TTL: variants seen among roughly 807,000 people sequenced by gnomAD.
TTL encodes the protein tubulin--tyrosine ligase.
A neutral mutation model predicts 41.1 loss-of-function variants in TTL; 10 were observed. That is an observed-to-expected ratio of 0.24 (90% CI 0.15 to 0.41). The LOEUF is 0.41. Ranked by LOEUF, TTL falls within the 10% of genes least tolerant of loss-of-function variation. The probability of loss-of-function intolerance (pLI) is 1.00; values close to 1 mark genes in which losing one functional copy is unlikely to be tolerated. For missense variants in TTL, 367 were observed against 460.4 expected (o/e 0.80, Z 1.86); for synonymous variants, 175 against 175.5 (o/e 1.00, Z 0.02).
In TTL at chr2:112,535,675, C is replaced by T. The variant is rs1339795652; in HGVS notation, c.*6880C>T. 3 of 151,986 alleles carry T rather than the reference C, an allele frequency of 2.0e-5. No individual in the cohort carries two copies. Among genetic ancestry groups the T allele is most frequent in the East Asian group, 1.9e-4 (1 of 5,194 alleles). 9.4% of individuals were successfully genotyped at this position (151,986 alleles called of 1,614,324 possible). On this transcript the variant is annotated 3_prime_UTR_variant, in exon 7 of 7. Transcript: ENST00000233336. ...CAGTAAAATGGTAGATAAATCCTGC[C>T]TTATCAGTAATTTCATTAAATGCAA...
At chr2:112,499,928 A>G (rs1219240596) in intron 3 of TTL, among the ~76,000 whole-genome samples, 1 of 152,238 alleles carries the variant, frequency 6.6e-6, no homozygotes. Context: ...ACTTGTATGC[A>G]AATCTTATAG....
chr2:112,486,014 G>T lies in TTL; in HGVS notation c.236+19G>T. ...TAGTGAAGTAAGTGTTAAGACCGCT[G>T]TTTTCCATTTTTTACCTAAATGAAG... On this transcript the variant is annotated intron_variant, in intron 2 of 6. Transcript: ENST00000233336. 1 of 1,612,270 alleles carries T rather than the reference G, an allele frequency of 6.2e-7. No homozygotes were observed. Among genetic ancestry groups the T allele is most frequent in the Non-Finnish European group, 8.5e-7 (1 of 1,179,220 alleles).
chr2:112,510,926 C>G (rs976624866), intron 5 of TTL, among the ~76,000 whole-genome samples: 4 of 152,114 alleles, frequency 2.6e-5, no homozygotes, highest in African/African-American at 9.7e-5. Flanking sequence ...TTAAAAGTTG[C>G]TAAGGTTTGT....
At chr2:112,526,323 C>T (rs1056773102) in intron 6 of TTL, among the ~76,000 whole-genome samples, 3 of 152,044 alleles carry the variant, frequency 2.0e-5, no homozygotes, top group African/African-American at 7.2e-5. Flanking sequence ...GGGAGGAGTC[C>T]CTCTTTTTCT....
intron 2 of TTL, among the ~76,000 whole-genome samples, chr2:112,489,668 G>A (rs900251137): frequency 6.6e-6 from 1 of 152,020 alleles, no homozygotes; most frequent in African/African-American, 2.4e-5. Context: ...AACATTTTTT[G>A]CATACTGAAT....
At position 112,533,758 on chromosome 2, in the gene TTL, A is replaced by G. The variant is rs1682551343; in HGVS notation, c.*4963A>G. 1 of 152,168 alleles carries G rather than the reference A, an allele frequency of 6.6e-6. No individual in the cohort carries two copies. The highest frequency in any genetic ancestry group is 2.4e-5 in the African/African-American group (1 of 41,440). 9.4% of individuals were successfully genotyped at this position (152,168 alleles called of 1,614,324 possible). A position where few individuals can be genotyped will look rare whatever the true frequency, so the allele number is the denominator to read the frequency against. On this transcript the variant is annotated 3_prime_UTR_variant, in exon 7 of 7. Coordinates refer to ENST00000233336, the MANE Select transcript of TTL (RefSeq NM_153712.5). ...CGTGACCTAACCTCTTACAGGTCCC[A>G]CCTCTCAACACTATTGCAGTAGAGA...
rs1681979069 is a variant in TTL at position 112,513,412 on chromosome 2, A to G, written c.876-6870A>G. 3.3e-5 allele frequency among the ~76,000 whole-genome samples: 5 copies of G among 151,926 alleles called. No individual in the cohort carries two copies. The South Asian group carries it at 6.2e-4, about 19-fold the overall frequency. On this transcript the variant is annotated intron_variant, in intron 5 of 6. Transcript: ENST00000233336. ...TCTTTTAGAGTTTTTATATTTACCCATATACTTCCTTAAGTTTTAAAGTTC... is the reference window on the plus strand; with the variant it reads ...TCTTTTAGAGTTTTTATATTTACCCGTATACTTCCTTAAGTTTTAAAGTTC...
At chr2:112,511,179 G>T (rs1681911268) in intron 5 of TTL, among the ~76,000 whole-genome samples, 1 of 151,812 alleles carries the variant, frequency 6.6e-6, no homozygotes, top group Non-Finnish European at 1.5e-5. Flanking sequence ...CCTGATTTTT[G>T]TATTTTTTTT....
intron 6 of TTL, among the ~76,000 whole-genome samples, chr2:112,525,684 G>A (rs1682353490): frequency 1.3e-5 from 2 of 152,166 alleles, no homozygotes; most frequent in Admixed American, 6.6e-5. Context: ...AGGAGATTTT[G>A]GGCTGAGATG....
In TTL at chr2:112,540,000, GAAATT is replaced by G. The variant is rs1682681109; in HGVS notation, c.*11209_*11213del. 6.6e-6 allele frequency: 1 copy of G among 152,178 alleles called. No individual in the cohort carries two copies. Among genetic ancestry groups the G allele is most frequent in the African/African-American group, 2.4e-5 (1 of 41,440 alleles). 9.4% of individuals were successfully genotyped at this position (152,178 alleles called of 1,614,324 possible). ...CAAATACTACAAAACATCTCTGAAA[GAAATT>G]AAAGAACACCTAAATAAATGGAAAG... On this transcript the variant is annotated 3_prime_UTR_variant, in exon 7 of 7. Transcript: ENST00000233336.
chr2:112,482,753 G>A lies in TTL; in HGVS notation c.157+252G>A, dbSNP rs1258156390. Among the ~76,000 whole-genome samples, 1 of 150,314 alleles carries A rather than the reference G, an allele frequency of 6.7e-6. No individual in the cohort carries two copies. Among genetic ancestry groups the A allele is most frequent in the Non-Finnish European group, 1.5e-5 (1 of 67,692 alleles). On this transcript the variant is annotated intron_variant, in intron 1 of 6. Coordinates refer to ENST00000233336, the MANE Select transcript of TTL (RefSeq NM_153712.5). The surrounding 1 kb of genome is among the most constrained non-coding windows in gnomAD (Gnocchi z 5.3). Reference sequence around the variant, plus strand: ...CCGCAGCTACCTCCCGACGGTGACCGGTCCCTGCAGCCCGGGAGACGCTGG... The same window carrying A: ...CCGCAGCTACCTCCCGACGGTGACCAGTCCCTGCAGCCCGGGAGACGCTGG...
At chr2:112,526,560 C>G (rs1272867861) in intron 6 of TTL, among the ~76,000 whole-genome samples, 1 of 152,100 alleles carries the variant, frequency 6.6e-6, no homozygotes, top group African/African-American at 2.4e-5. Context: ...TCTAGATTTT[C>G]TAGTTTATTT....
chr2:112,527,356 C>T (rs1183859803), intron 6 of TTL, among the ~76,000 whole-genome samples: 1 of 152,082 alleles, frequency 6.6e-6, no homozygotes, highest in Admixed American at 6.6e-5. Context: ...GAGTTCAATT[C>T]CTGGATATCC....
chr2:112,494,627 A>G (rs1403786080), intron 3 of TTL, among the ~76,000 whole-genome samples: 2 of 152,272 alleles, frequency 1.3e-5, no homozygotes, highest in Non-Finnish European at 2.9e-5. Flanking sequence ...CATCTGATAC[A>G]GAACTTTTCA....
At position 112,502,993 on chromosome 2, in the gene TTL, T is replaced by C; in HGVS notation, c.687T>C (p.His229=). 6.2e-7 allele frequency: 1 copy of C among 1,614,076 alleles called. No individual in the cohort carries two copies. The highest frequency in any genetic ancestry group is 1.3e-5 in the African/African-American group (1 of 75,014). The change falls in exon 5 of 7, where the codon CAT becomes CAC. Residue 229 remains histidine, a synonymous_variant. Transcript: ENST00000233336. Reference sequence around the variant, plus strand: ...TTCGGACTGCTTCAGAACCATATCATGTTGATAATTTCCAAGACAAAACCT... The same window carrying C: ...TTCGGACTGCTTCAGAACCATATCACGTTGATAATTTCCAAGACAAAACCT... ...GVLRTASEPY[H]VDNFQDKTCH...
rs189901807 is a variant in TTL at position 112,534,486 on chromosome 2, G to C, written c.*5691G>C. On this transcript the variant is annotated 3_prime_UTR_variant, in exon 7 of 7. Transcript: ENST00000233336. ...TCCAGCAGCAGAGCAGCCACCGTAG[G>C]GCTCAGAAGGGGATTGGAACTCCTC... is the stretch of plus-strand genomic sequence containing the variant. 1.3e-5 allele frequency: 2 copies of C among 152,896 alleles called. No homozygotes were observed. Among genetic ancestry groups the C allele is most frequent in the African/African-American group, 4.8e-5 (2 of 41,542 alleles). The allele number at this position is 152,896 out of a possible 1,614,324, so 9.5% of individuals were successfully genotyped here.
rs1165256891 is a variant in TTL at position 112,501,596 on chromosome 2, AG to A, written c.605+256del. Among the ~76,000 whole-genome samples the A allele has an allele frequency of 2.6e-5, 4 of 152,096 alleles. No homozygotes were observed. In the East Asian group the frequency reaches 5.8e-4, roughly 22 times the overall value. On this transcript the variant is annotated intron_variant, in intron 4 of 6. Coordinates refer to ENST00000233336, the MANE Select transcript of TTL (RefSeq NM_153712.5). ...AAAATATTCTTTTCTGGCTGGGCAC[AG>A]TGGCTCACGCTTGTAATCCCAGCAC...
At chr2:112,502,831 G>T in intron 4 of TTL, 81 bp from the exon 5 acceptor site, 1 of 1,481,202 alleles carries the variant, frequency 6.8e-7, no homozygotes, top group Non-Finnish European at 9.0e-7. Context: ...CATAAAAGAA[G>T]TCAAGATGTG....
chr2:112,515,812 T>C (rs1274084920), intron 5 of TTL, among the ~76,000 whole-genome samples: 1 of 152,140 alleles, frequency 6.6e-6, no homozygotes, highest in Non-Finnish European at 1.5e-5. Flanking sequence ...CCAGGCGTGG[T>C]GGTGGGCACC....
Sources: allele counts gnomAD v4.1 joint callset (sites outside exome capture counted in the v4.1 genomes callset), GRCh38; gene constraint gnomAD v4.1.1; non-coding constraint Gnocchi (gnomAD v3.1); transcripts MANE v1.5; gene names NCBI Gene and HGNC (gene_info 2026-07-23, HGNC 2026-07-21).